PARP8: variants seen among roughly 807,000 people sequenced by gnomAD.
PARP8 encodes poly(ADP-ribose) polymerase family member 8.
PARP8 carries 51 observed loss-of-function variants against 124.1 expected under a neutral mutation model. The ratio of observed to expected loss-of-function variants is 0.41; its 90% CI spans 0.33 to 0.52. PARP8 has a LOEUF of 0.52. Among genes scored for constraint, PARP8 ranks in the 20% least tolerant of loss-of-function variants. The probability of loss-of-function intolerance (pLI) is 0.21; values close to 1 mark genes in which losing one functional copy is unlikely to be tolerated. For missense variants in PARP8, 860 were observed against 1,018.9 expected, an observed-to-expected ratio of 0.84 and a Z score of 2.12; for synonymous variants, 391 against 361.5, an observed-to-expected ratio of 1.08 and a Z score of -0.93.
intron 14 of PARP8, among the ~76,000 whole-genome samples, chr5:50,807,099 C>T (rs1471804825): frequency 6.6e-6 from 1 of 151,060 alleles, no homozygotes; most frequent in Non-Finnish European, 1.5e-5. Context: ...TTTCTTTAAG[C>T]CTGATTGTTT....
chr5:50,750,577 T>G (rs1759130165), intron 3 of PARP8, among the ~76,000 whole-genome samples: 1 of 152,130 alleles, frequency 6.6e-6, no homozygotes, highest in Non-Finnish European at 1.5e-5. Context: ...TGTGTATCTA[T>G]TTTTTCTTTT....
chr5:50,667,287 C>G (rs1749401778), intron 1 of PARP8, 101 bp downstream of exon 1: 17 of 1,251,890 alleles, frequency 1.4e-5, no homozygotes, highest in Non-Finnish European at 1.9e-5. Context: ...TTGCACGTCC[C>G]CATTCTGGGG....
Position 50,739,069 on chromosome 5 carries a change from G to A in PARP8, c.147-11082G>A, listed in dbSNP as rs561936753. 478 of 702,506 alleles carry A rather than the reference G, an allele frequency of 6.8e-4. 3 individuals are homozygous for A. The South Asian group carries it at 7.0e-3, about 10-fold the overall frequency. The allele number at this position is 702,506 out of a possible 1,614,324, so 43.5% of individuals were successfully genotyped here. A position where few individuals can be genotyped will look rare whatever the true frequency, so the allele number is the denominator to read the frequency against. On this transcript the variant is annotated intron_variant, in intron 2 of 25. Transcript: ENST00000281631. ...GCTTCCTCATTCACATCTAGGAGGA[G>A]CAAGAGACTTCCCACAGGTATTGAA...
At chr5:50,788,183 T>TTAC in intron 9 of PARP8, among the ~76,000 whole-genome samples, 1 of 144,812 alleles carries the variant, frequency 6.9e-6, no homozygotes, top group Admixed American at 7.2e-5. Flanking sequence ...TACATTAATA[T>TTAC]ATAATATATT....
At chr5:50,771,829 T>C (rs979045315) in intron 7 of PARP8, among the ~76,000 whole-genome samples, 7 of 152,218 alleles carry the variant, frequency 4.6e-5, no homozygotes, top group Non-Finnish European at 1.0e-4. Flanking sequence ...GTTTAGCATA[T>C]CCACCACCAC....
At position 50,839,666 on chromosome 5, in the gene PARP8, T is replaced by TTCTCTCTC. The variant is rs34544570; in HGVS notation, c.2463-2282_2463-2275dup. On this transcript the variant is annotated intron_variant, in intron 25 of 25. Transcript: ENST00000281631. ...TTAAGCATACTGTCTCTCTCTTTCT[T>TTCTCTCTC]TCTCTCTCTCTCTCTCTCTCTCTCT... Among the ~76,000 whole-genome samples the TTCTCTCTC allele has an allele frequency of 1.3e-3, 190 of 147,482 alleles. 1 individual carries two copies. The highest frequency in any genetic ancestry group is 0.01 in the Middle Eastern group (3 of 286).
intron 5 of PARP8, among the ~76,000 whole-genome samples, chr5:50,761,295 A>G (rs928849066): frequency 6.6e-6 from 1 of 152,138 alleles, no homozygotes; most frequent in Non-Finnish European, 1.5e-5. Flanking sequence ...TAAATTAAAT[A>G]CCCTTTTGAA....
Position 50,829,918 on chromosome 5 carries a change from AATCT to A in PARP8, c.2195_2198del (p.Tyr732LeufsTer14). On this transcript the variant is annotated frameshift_variant, in exon 22 of 26. Coordinates refer to ENST00000281631, the MANE Select transcript of PARP8 (RefSeq NM_024615.4). LOFTEE classifies it high-confidence loss of function. ...TCCATGGTGCAATGTATGGAAGTGG[AATCT>A]ATCTTAGTCCAATGTCAAGCATATC... is the stretch of plus-strand genomic sequence containing the variant. 1 of 1,610,102 alleles carries A rather than the reference AATCT, an allele frequency of 6.2e-7. No individual in the cohort carries two copies.
intron 2 of PARP8, among the ~76,000 whole-genome samples, chr5:50,745,788 G>C (rs2149542210): frequency 6.6e-6 from 1 of 152,262 alleles, no homozygotes; most frequent in African/African-American, 2.4e-5. Flanking sequence ...AGATCAGAAG[G>C]GTGCCTTGAT....
Position 50,667,188 on chromosome 5 carries a change from T to A in PARP8, c.91+2T>A. ...CTGAGAAGGACTGCCTGTTTGCAGGTGAGTTCTTGCTTTTCCAGAACCTCG... is the reference window on the plus strand; with the variant it reads ...CTGAGAAGGACTGCCTGTTTGCAGGAGAGTTCTTGCTTTTCCAGAACCTCG... On this transcript the variant is annotated splice_donor_variant, in intron 1 of 25. Transcript: ENST00000281631. LOFTEE classifies it high-confidence loss of function. The A allele has an allele frequency of 2.5e-6, 4 of 1,596,352 alleles. No homozygotes were observed.
chr5:50,775,202 AG>A (rs1370837229), intron 7 of PARP8, among the ~76,000 whole-genome samples: 2 of 152,208 alleles, frequency 1.3e-5, no homozygotes, highest in Non-Finnish European at 2.9e-5. Context: ...GAGGCCAAGC[AG>A]GTGGCTGGGA....
chr5:50,690,953 A>G (rs1170263129), intron 2 of PARP8, among the ~76,000 whole-genome samples: 1 of 152,128 alleles, frequency 6.6e-6, no homozygotes, highest in African/African-American at 2.4e-5. Context: ...TCAAAATGAC[A>G]TTGAAATTCA....
intron 24 of PARP8, 124 bp from the exon 25 acceptor site, chr5:50,834,807 T>C: frequency 1.3e-6 from 1 of 795,386 alleles, no homozygotes; most frequent in African/African-American, 1.7e-5. Context: ...TAAACAATTT[T>C]TATGTGTTCA....
Position 50,822,398 on chromosome 5 carries a change from CAAGT to C in PARP8, c.1860+4_1860+7del. On this transcript the variant is annotated splice_donor_variant and coding_sequence_variant, in exon 17 of 26. Coordinates refer to ENST00000281631, the MANE Select transcript of PARP8 (RefSeq NM_024615.4). LOFTEE classifies it high-confidence loss of function. Reference sequence around the variant, plus strand: ...CATAACTTCTATCAGAGAAATGACACAAGTAAGTATGTCATCTGGTCTTGTACAG... The same window carrying C: ...CATAACTTCTATCAGAGAAATGACACAAGTATGTCATCTGGTCTTGTACAG... 6.3e-7 allele frequency: 1 copy of C among 1,598,090 alleles called. No individual in the cohort carries two copies. Among genetic ancestry groups the C allele is most frequent in the Non-Finnish European group, 8.6e-7 (1 of 1,165,762 alleles).
intron 2 of PARP8, among the ~76,000 whole-genome samples, chr5:50,679,310 G>A (rs1265144100): frequency 2.6e-5 from 4 of 152,128 alleles, no homozygotes; most frequent in South Asian, 2.1e-4. Context: ...AGATGCCAGC[G>A]TTAATGCTTT....
chr5:50,785,710 T>G (rs538335557), intron 9 of PARP8, among the ~76,000 whole-genome samples: 16 of 152,316 alleles, frequency 1.1e-4, no homozygotes, highest in East Asian at 3.9e-4. Context: ...ACTAATTTTT[T>G]GGGGATACAA....
At position 50,701,907 on chromosome 5, in the gene PARP8, A is replaced by G. The variant is rs1429305427; in HGVS notation, c.146+33782A>G. ...ATAATTTTGTTTTAAAACTTCAAGA[A>G]TTTGACCTAGTTCTTATAGTTCTGA... On this transcript the variant is annotated intron_variant, in intron 2 of 25. Coordinates refer to ENST00000281631, the MANE Select transcript of PARP8 (RefSeq NM_024615.4). 2.0e-5 allele frequency among the ~76,000 whole-genome samples: 3 copies of G among 152,202 alleles called. No individual in the cohort carries two copies. The East Asian group carries it at 5.8e-4, about 29-fold the overall frequency.
At chr5:50,813,874 C>G (rs1434867609) in intron 14 of PARP8, among the ~76,000 whole-genome samples, 5 of 152,040 alleles carry the variant, frequency 3.3e-5, no homozygotes, top group African/African-American at 1.2e-4. Flanking sequence ...TTTAGATGTT[C>G]ACAAAGTAAG....
intron 2 of PARP8, among the ~76,000 whole-genome samples, chr5:50,678,551 GATAA>G (rs1171222882): frequency 6.6e-6 from 1 of 151,824 alleles, no homozygotes; most frequent in South Asian, 2.1e-4. Context: ...TATATGGATA[GATAA>G]ATATAGATAT....
Sources: allele counts gnomAD v4.1 joint callset (sites outside exome capture counted in the v4.1 genomes callset), GRCh38; gene constraint gnomAD v4.1.1; transcripts MANE v1.5; gene names NCBI Gene and HGNC (gene_info 2026-07-23, HGNC 2026-07-21).